The following RANBP2 variants were observed in gnomAD, a reference collection of about 807,000 sequenced individuals.
RANBP2 encodes RAN binding protein 2, also known as E3 SUMO-protein ligase RanBP2.
A neutral mutation model predicts 303.6 loss-of-function variants in RANBP2; 57 were observed. That is an observed-to-expected ratio of 0.19 (90% CI 0.15 to 0.23). The LOEUF is 0.23. Ranked by LOEUF, RANBP2 falls within the 10% of genes least tolerant of loss-of-function variation. The pLI, the probability that RANBP2 is intolerant of heterozygous loss-of-function variation, is 1.00. For synonymous variants in RANBP2, 1,167 were observed against 1,301.5 expected (o/e 0.90, Z 2.23); for missense variants, 3,138 against 3,780.8 (o/e 0.83, Z 4.46).
chr2:109,688,643 G>A, the RANBP2 span, among the ~76,000 whole-genome samples: 4 of 151,720 alleles, frequency 2.6e-5, no homozygotes, highest in Non-Finnish European at 4.4e-5. Context: ...GCTGGGCGTA[G>A]TGGCGCACGC....
chr2:108,935,078 C>A, the RANBP2 span, among the ~76,000 whole-genome samples: 6 of 152,202 alleles, frequency 3.9e-5, no homozygotes, highest in African/African-American at 1.4e-4. Flanking sequence ...TATAAGAGAC[C>A]GCATGACCAG....
chr2:109,655,854 C>T, the RANBP2 span, among the ~76,000 whole-genome samples: 1 of 152,252 alleles, frequency 6.6e-6, no homozygotes, highest in Admixed American at 6.5e-5. Flanking sequence ...TTTTCAGAGT[C>T]AGACATCTTA....
the RANBP2 span, chr2:109,564,071 G>T: frequency 1.0e-4 from 31 of 301,194 alleles, no homozygotes; most frequent in East Asian, 1.7e-3. Context: ...AATAATGAGG[G>T]TATTTTCCTT....
chr2:108,729,740 G>GT (rs1202977375), intron 2 of RANBP2, among the ~76,000 whole-genome samples: 2 of 146,270 alleles, frequency 1.4e-5, no homozygotes, highest in Non-Finnish European at 3.0e-5. Context: ...TTTTTAGGCA[G>GT]TATCTGTCTC....
At chr2:109,360,940 G>A in the RANBP2 span, among the ~76,000 whole-genome samples, 222 of 152,284 alleles carry the variant, frequency 1.5e-3, no homozygotes, top group Middle Eastern at 0.017. Context: ...TAAGTTTCTC[G>A]TAATTAGGTG....
chr2:108,880,543 ACT>A, the RANBP2 span, among the ~76,000 whole-genome samples: 5 of 151,996 alleles, frequency 3.3e-5, no homozygotes, highest in African/African-American at 1.2e-4. Flanking sequence ...GGACAGGCTG[ACT>A]CTCTTGTTAG....
At chr2:109,188,649 C>T in the RANBP2 span, among the ~76,000 whole-genome samples, 2 of 152,128 alleles carry the variant, frequency 1.3e-5, no homozygotes, top group Admixed American at 6.5e-5. Flanking sequence ...GGCTGCATGC[C>T]GAGGGCTGGA....
chr2:109,021,504 CAG>C, the RANBP2 span, among the ~76,000 whole-genome samples: 2 of 132,776 alleles, frequency 1.5e-5, no homozygotes, highest in Non-Finnish European at 3.1e-5. Context: ...GCCTGGGCGA[CAG>C]AGAGAGACTC....
chr2:109,203,841 G>T, the RANBP2 span, among the ~76,000 whole-genome samples: 1 of 152,150 alleles, frequency 6.6e-6, no homozygotes, highest in African/African-American at 2.4e-5. Context: ...CTCTTGTGTG[G>T]GTGCCTCGCT....
chr2:109,269,609 C>T, the RANBP2 span, among the ~76,000 whole-genome samples: 4 of 152,096 alleles, frequency 2.6e-5, no homozygotes, highest in Non-Finnish European at 5.9e-5. Flanking sequence ...GGTGAAACCC[C>T]ATCTCTACTA....
chr2:109,229,970 G>A, the RANBP2 span, among the ~76,000 whole-genome samples: 4 of 151,686 alleles, frequency 2.6e-5, no homozygotes, highest in Admixed American at 6.6e-5. Flanking sequence ...GACTACAGGC[G>A]CACGCCAGTA....
chr2:109,211,044 A>AGTCT, the RANBP2 span, among the ~76,000 whole-genome samples: 1 of 152,050 alleles, frequency 6.6e-6, no homozygotes, highest in East Asian at 1.9e-4. Context: ...TCTTCAGTTG[A>AGTCT]GTCTGTTCTG....
At chr2:109,717,254 T>A in the RANBP2 span, among the ~76,000 whole-genome samples, 1 of 82,958 alleles carries the variant, frequency 1.2e-5, no homozygotes, top group Non-Finnish European at 2.6e-5. Flanking sequence ...AATCCAAAAA[T>A]GAAAATTAAA....
the RANBP2 span, chr2:109,613,385 T>A: frequency 6.1e-6 from 2 of 327,684 alleles, no homozygotes; most frequent in Non-Finnish European, 1.2e-5. Flanking sequence ...GGAGCCGGGC[T>A]TTCTCCCGGC....
the RANBP2 span, among the ~76,000 whole-genome samples, chr2:109,677,320 G>T: frequency 1.3e-5 from 2 of 152,216 alleles, no homozygotes; most frequent in Admixed American, 6.5e-5. Flanking sequence ...TGTCCTGCCC[G>T]ACGTTTCTCT....
chr2:109,084,076 T>C, the RANBP2 span, among the ~76,000 whole-genome samples: 1 of 152,136 alleles, frequency 6.6e-6, no homozygotes, highest in Non-Finnish European at 1.5e-5. Flanking sequence ...GTGTGGAACT[T>C]TAGGAGTTAG....
At chr2:109,113,805 T>C in the RANBP2 span, among the ~76,000 whole-genome samples, 1 of 152,198 alleles carries the variant, frequency 6.6e-6, no homozygotes, top group Non-Finnish European at 1.5e-5. Context: ...TTGAGATATG[T>C]CCCATCAATA....
At chr2:109,271,699 G>A in the RANBP2 span, among the ~76,000 whole-genome samples, 5 of 152,180 alleles carry the variant, frequency 3.3e-5, no homozygotes, top group African/African-American at 9.7e-5. Context: ...TAGGACGAAG[G>A]GCCCCCCTCT....
chr2:109,340,339 C>T, the RANBP2 span, among the ~76,000 whole-genome samples: 1 of 152,180 alleles, frequency 6.6e-6, no homozygotes, highest in African/African-American at 2.4e-5. Context: ...AGCAGGCACA[C>T]AGGAGGTGCT....
Sources: gnomAD v4.1 joint callset for allele counts (sites outside exome capture counted in the v4.1 genomes callset) on GRCh38, gnomAD v4.1.1 for gene constraint, MANE v1.5 for transcripts, NCBI Gene and HGNC (gene_info 2026-07-23, HGNC 2026-07-21) for gene names.